Variants in ZNF92 observed in about 807,000 individuals in gnomAD.
The protein encoded by ZNF92 is epididymis luminal protein 203.
In ZNF92, 11 loss-of-function variants were observed where a neutral mutation model predicts 12.4. That is an observed-to-expected ratio of 0.89 (90% CI 0.56 to 1.47). ZNF92 has a LOEUF of 1.47. Ranked by LOEUF, ZNF92 falls within the 40% of genes most tolerant of loss-of-function variation. The pLI is 0.00. For synonymous variants in ZNF92, 206 were observed against 228.6 expected (o/e 0.90, Z 0.89); for missense variants, 622 against 681.0 (o/e 0.91, Z 0.96).
Position 65,379,396 on chromosome 7 carries a change from ACT to A in ZNF92, c.3+5399_3+5400del, listed in dbSNP as rs1335659371. On this transcript the variant is annotated intron_variant, in intron 1 of 3. Coordinates refer to ENST00000328747, the MANE Select transcript of ZNF92 (RefSeq NM_152626.4). ...AACTCTGGGTGTCTGGGAATGGGAGACTCTGCTCTCCTGTACACAGGCTGTCA... is the reference window on the plus strand; with the variant it reads ...AACTCTGGGTGTCTGGGAATGGGAGACTGCTCTCCTGTACACAGGCTGTCA... Among the ~76,000 whole-genome samples the A allele has an allele frequency of 6.6e-5, 10 of 151,944 alleles. No homozygotes were observed. The South Asian group carries it at 1.5e-3, about 22-fold the overall frequency.
chr7:65,376,434 G>C (rs547533997), intron 1 of ZNF92, among the ~76,000 whole-genome samples: 3 of 151,868 alleles, frequency 2.0e-5, no homozygotes, highest in East Asian at 3.9e-4. Context: ...AATGAGTTTA[G>C]GAATTTTCTC....
intron 1 of ZNF92, among the ~76,000 whole-genome samples, chr7:65,384,820 G>A (rs911332905): frequency 6.6e-6 from 1 of 152,078 alleles, no homozygotes; most frequent in Non-Finnish European, 1.5e-5. Flanking sequence ...CTCCCAGGGT[G>A]TTACGAGGAT....
rs768296869 is a variant in ZNF92, at chr7:65,399,134, A to C, written c.1020A>C (p.Pro340=). 2.5e-6 allele frequency: 4 copies of C among 1,609,362 alleles called. No homozygotes were observed. The highest frequency in any genetic ancestry group is 2.2e-5 in the South Asian group (2 of 90,710). ...KHKIIHTGEK[P]YKCEECGKAF... The stretch of plus-strand genomic sequence containing the variant: ...AGATAATCCATACTGGGGAAAAACC[A>C]TACAAATGTGAAGAATGTGGCAAAG... The change falls in exon 4 of 4, where the codon CCA becomes CCC. Residue 340 remains proline, a synonymous_variant. Transcript: ENST00000328747.
At chr7:65,392,472 G>A (rs1793741055) in intron 3 of ZNF92, among the ~76,000 whole-genome samples, 1 of 150,916 alleles carries the variant, frequency 6.6e-6, no homozygotes, top group Non-Finnish European at 1.5e-5. Flanking sequence ...GCCAGGCATG[G>A]TGGTGGCTCA....
At chr7:65,382,617 CTT>C (rs1421214852) in intron 1 of ZNF92, among the ~76,000 whole-genome samples, 3 of 152,068 alleles carry the variant, frequency 2.0e-5, no homozygotes, top group Non-Finnish European at 4.4e-5. Flanking sequence ...TTCAATGACT[CTT>C]GTATCTTTAG....
intron 3 of ZNF92, among the ~76,000 whole-genome samples, chr7:65,394,909 A>G (rs551919680): frequency 1.3e-5 from 2 of 152,178 alleles, no homozygotes; most frequent in South Asian, 4.1e-4. Flanking sequence ...GCCTCCCAAA[A>G]TGCTGGGATT....
rs142137776 is a variant in ZNF92 at position 65,379,197 on chromosome 7, G to T, written c.3+5197G>T. Among the ~76,000 whole-genome samples the T allele has an allele frequency of 1.4e-3, 210 of 152,276 alleles. 2 individuals are homozygous for T. The highest frequency in any genetic ancestry group is 4.7e-3 in the African/African-American group (195 of 41,554). On this transcript the variant is annotated intron_variant, in intron 1 of 3. Transcript: ENST00000328747. ...CCAATGAGGTTTTTGACTGACATCG[G>T]CAGTGAAGACAGTGTTGTGGGACTG...
intron 3 of ZNF92, among the ~76,000 whole-genome samples, chr7:65,393,627 T>C (rs144284370): frequency 6.6e-6 from 1 of 152,116 alleles, no homozygotes; most frequent in East Asian, 1.9e-4. Flanking sequence ...AAAAATAACA[T>C]GGGTTTTATT....
Position 65,398,885 on chromosome 7 carries a change from C to T in ZNF92, c.771C>T (p.Tyr257=), listed in dbSNP as rs370060484. The change falls in exon 4 of 4, where the codon TAC becomes TAT. Residue 257 remains tyrosine (Y), a synonymous_variant. Transcript: ENST00000328747. The part of the protein sequence containing the change: ...HKIIHTGEKP[Y]KCEECGKAFN... ...TAATTCATACTGGAGAGAAACCCTA[C>T]AAATGTGAAGAATGTGGCAAAGCTT... The T allele has an allele frequency of 1.9e-6, 3 of 1,613,128 alleles. No homozygotes were observed. The highest frequency in any genetic ancestry group is 2.5e-6 in the Non-Finnish European group (3 of 1,179,786).
At chr7:65,374,533 G>A (rs1282361819) in intron 1 of ZNF92, among the ~76,000 whole-genome samples, 3 of 151,798 alleles carry the variant, frequency 2.0e-5, no homozygotes, top group Admixed American at 2.0e-4. Context: ...TTTATAAGAT[G>A]CATAATGAAA....
rs1409214417 is a variant in ZNF92 at position 65,399,898 on chromosome 7, T to A, written c.*23T>A. 1 of 1,530,294 alleles carries A rather than the reference T, an allele frequency of 6.5e-7. No homozygotes were observed. Among genetic ancestry groups the A allele is most frequent in the Non-Finnish European group, 8.8e-7 (1 of 1,140,710 alleles). 94.8% of individuals were successfully genotyped at this position (1,530,294 alleles called of 1,614,324 possible). ...TGAAAGATGTGACAATGATTTTCAC[T>A]ACACCTCAAACTTTTCTAAACATAA... On this transcript the variant is annotated 3_prime_UTR_variant, in exon 4 of 4. Coordinates refer to ENST00000328747, the MANE Select transcript of ZNF92 (RefSeq NM_152626.4).
At chr7:65,377,670 G>C (rs548962003) in intron 1 of ZNF92, among the ~76,000 whole-genome samples, 2,219 of 152,046 alleles carry the variant, frequency 0.015, 54 homozygotes, top group African/African-American at 0.05. Context: ...GGGTTCAAGT[G>C]ATTCTCCTGC....
At position 65,390,056 on chromosome 7, in the gene ZNF92, T is replaced by C. The variant is rs574006616; in HGVS notation, c.226+1155T>C. Among the ~76,000 whole-genome samples, 23 of 152,206 alleles carry C rather than the reference T, an allele frequency of 1.5e-4. 1 individual carries two copies. The highest frequency in any genetic ancestry group is 5.1e-4 in the African/African-American group (21 of 41,530). On this transcript the variant is annotated intron_variant, in intron 3 of 3. Coordinates refer to ENST00000328747, the MANE Select transcript of ZNF92 (RefSeq NM_152626.4). ...CCATGTTAGCCAGGATGGAGAAATG[T>C]ATTATTTTAATGGTATTACAAATAA... is the stretch of plus-strand genomic sequence containing the variant.
chr7:65,389,707 G>T (rs1026608713), intron 3 of ZNF92, among the ~76,000 whole-genome samples: 3 of 151,804 alleles, frequency 2.0e-5, no homozygotes, highest in South Asian at 2.1e-4. Flanking sequence ...AGTAGAGATG[G>T]GGTTTCTCCA....
intron 1 of ZNF92, among the ~76,000 whole-genome samples, chr7:65,377,404 C>A (rs1371934911): frequency 6.6e-6 from 1 of 151,968 alleles, no homozygotes; most frequent in Non-Finnish European, 1.5e-5. Context: ...CTACAGAGCC[C>A]TGGAAAGCTG....
chr7:65,384,714 A>G (rs186954215), intron 1 of ZNF92, among the ~76,000 whole-genome samples: 57 of 152,140 alleles, frequency 3.7e-4, no homozygotes, highest in African/African-American at 1.4e-3. Flanking sequence ...ATCTGTCTAT[A>G]TGTAGCTTTT....
At chr7:65,390,286 T>A (rs746298697) in intron 3 of ZNF92, among the ~76,000 whole-genome samples, 4 of 152,120 alleles carry the variant, frequency 2.6e-5, no homozygotes, top group Non-Finnish European at 4.4e-5. Context: ...TTAAATTTTT[T>A]AAATTCTTTT....
chr7:65,397,495 AT>A (rs1340366868), intron 3 of ZNF92, among the ~76,000 whole-genome samples: 1 of 142,480 alleles, frequency 7.0e-6, no homozygotes, highest in South Asian at 2.2e-4. Flanking sequence ...TTATAACTTT[AT>A]TTTTTATGGT....
Position 65,399,341 on chromosome 7 carries a change from C to A in ZNF92, c.1227C>A (p.Ser409=), listed in dbSNP as rs1277826595. Residue 409 remains serine (S), a synonymous_variant, in exon 4 of 4, where the codon TCC becomes TCA. Transcript: ENST00000328747. ...AATGTGGCAAAGCTTTTAAACAGTC[C>A]TCAACCCTTACTGAACATAAGATAA... ...CEECGKAFKQ[S]STLTEHKIIH... is the part of the protein sequence containing the mutation. 6.2e-7 allele frequency: 1 copy of A among 1,613,444 alleles called. No individual in the cohort carries two copies. The highest frequency in any genetic ancestry group is 2.2e-5 in the East Asian group (1 of 44,826).
Sources: allele counts gnomAD v4.1 joint callset (sites outside exome capture counted in the v4.1 genomes callset), GRCh38; gene constraint gnomAD v4.1.1; transcripts MANE v1.5; gene names NCBI Gene and HGNC (gene_info 2026-07-23, HGNC 2026-07-21).